The following PARD3 variants were observed in gnomAD, a reference collection of about 807,000 sequenced individuals.
The protein encoded by PARD3 is par-3 family cell polarity regulator.
PARD3 carries 75 observed loss-of-function variants against 155.4 expected under a neutral mutation model. The ratio of observed to expected loss-of-function variants is 0.48; its 90% confidence interval spans 0.40 to 0.58. The LOEUF is 0.58. PARD3 is among the 20% of genes least tolerant of loss of function. The pLI is 0.00. For missense variants in PARD3, 1,642 were observed against 1,721.7 expected, an observed-to-expected ratio of 0.95 and a Z score of 0.82; for synonymous variants, 576 against 610.5, an observed-to-expected ratio of 0.94 and a Z score of 0.83.
At chr10:34,699,736 A>G (rs1409709319) in intron 1 of PARD3, among the ~76,000 whole-genome samples, 2 of 152,194 alleles carry the variant, frequency 1.3e-5, no homozygotes, top group Admixed American at 6.5e-5. Context: ...AGGCCAAGGC[A>G]TAGTGACCCA....
chr10:34,697,990 T>C (rs531714954), intron 1 of PARD3, among the ~76,000 whole-genome samples: 2 of 152,168 alleles, frequency 1.3e-5, no homozygotes, highest in East Asian at 3.9e-4. Flanking sequence ...TCAAGGAAAA[T>C]TGGAAATAAT....
chr10:34,453,044 C>T (rs1037318018), intron 4 of PARD3, among the ~76,000 whole-genome samples: 3 of 152,316 alleles, frequency 2.0e-5, no homozygotes, highest in East Asian at 1.9e-4. Context: ...CAATGTTCTG[C>T]ACCACTTTCT....
intron 1 of PARD3, among the ~76,000 whole-genome samples, chr10:34,778,290 G>A (rs189287502): frequency 5.0e-4 from 76 of 152,208 alleles, no homozygotes; most frequent in Non-Finnish European, 8.2e-4. Flanking sequence ...GGAAGGTTGC[G>A]GTCTGCTGGA....
At chr10:34,155,571 G>A (rs2132999303) in intron 22 of PARD3, among the ~76,000 whole-genome samples, 1 of 152,048 alleles carries the variant, frequency 6.6e-6, no homozygotes, top group South Asian at 2.1e-4. Context: ...TCTGAAGAAG[G>A]GTGATGGGTC....
intron 2 of PARD3, among the ~76,000 whole-genome samples, chr10:34,588,574 T>C (rs1239599424): frequency 6.6e-6 from 1 of 152,210 alleles, no homozygotes; most frequent in African/African-American, 2.4e-5. Flanking sequence ...CTCTGCCTCC[T>C]TGCCTTTAAA....
At chr10:34,578,448 C>T (rs1309093091) in intron 2 of PARD3, among the ~76,000 whole-genome samples, 1 of 152,146 alleles carries the variant, frequency 6.6e-6, no homozygotes, top group Non-Finnish European at 1.5e-5. Context: ...AGAAAGTATT[C>T]CCATACCAAT....
At chr10:34,310,556 TGA>T (rs1957648256) in intron 20 of PARD3, among the ~76,000 whole-genome samples, 3 of 152,234 alleles carry the variant, frequency 2.0e-5, no homozygotes, top group South Asian at 4.1e-4. Flanking sequence ...AGAAAAGGTC[TGA>T]GAGAGGCCCA....
chr10:34,701,685 A>C (rs2094282112), intron 1 of PARD3, among the ~76,000 whole-genome samples: 1 of 152,096 alleles, frequency 6.6e-6, no homozygotes, highest in South Asian at 2.1e-4. Context: ...ACTCAAGCCC[A>C]GGAGCTCCAG....
intron 22 of PARD3, among the ~76,000 whole-genome samples, chr10:34,215,523 TAAG>T (rs1951963010): frequency 6.6e-6 from 1 of 152,196 alleles, no homozygotes; most frequent in Non-Finnish European, 1.5e-5. Flanking sequence ...TTTACAGAAA[TAAG>T]AAGTTACATT....
intron 14 of PARD3, among the ~76,000 whole-genome samples, chr10:34,350,106 A>G (rs777523844): frequency 1.9e-4 from 29 of 152,266 alleles, no homozygotes; most frequent in Non-Finnish European, 3.4e-4. Flanking sequence ...AATATTTAAC[A>G]GAAGATACAA....
At chr10:34,385,415 C>T (rs1589388646) in intron 7 of PARD3, among the ~76,000 whole-genome samples, 1 of 152,278 alleles carries the variant, frequency 6.6e-6, no homozygotes, top group East Asian at 1.9e-4. Context: ...GGATTACAGG[C>T]ATGAGCCACT....
intron 20 of PARD3, among the ~76,000 whole-genome samples, chr10:34,305,005 T>C (rs575977770): frequency 2.0e-5 from 3 of 152,298 alleles, no homozygotes; most frequent in Non-Finnish European, 2.9e-5. Flanking sequence ...TATAGCAAGT[T>C]AGAAAAATTT....
intron 22 of PARD3, among the ~76,000 whole-genome samples, chr10:34,267,216 A>G (rs76272397): frequency 6.6e-6 from 1 of 152,100 alleles, no homozygotes; most frequent in Non-Finnish European, 1.5e-5. Context: ...TGGGACATTC[A>G]TGGCCTTCAA....
At chr10:34,474,114 G>A (rs114363805) in intron 3 of PARD3, among the ~76,000 whole-genome samples, 2,454 of 152,204 alleles carry the variant, frequency 0.016, 61 homozygotes, top group African/African-American at 0.056. Flanking sequence ...GCAGTGAGCC[G>A]TGATTATACT....
intron 7 of PARD3, among the ~76,000 whole-genome samples, chr10:34,390,778 A>G (rs185090336): frequency 5.3e-5 from 8 of 152,348 alleles, no homozygotes; most frequent in Non-Finnish European, 1.2e-4. Flanking sequence ...ATGATAAAGA[A>G]TATCTTAGAT....
chr10:34,221,321 C>T (rs1416189024), intron 22 of PARD3, among the ~76,000 whole-genome samples: 3 of 151,548 alleles, frequency 2.0e-5, no homozygotes, highest in Non-Finnish European at 4.4e-5. Context: ...CCAGGGAAGC[C>T]TGGGAGTTCC....
chr10:34,350,709 T>G (rs1367142253), intron 14 of PARD3, among the ~76,000 whole-genome samples: 1 of 152,082 alleles, frequency 6.6e-6, no homozygotes, highest in Non-Finnish European at 1.5e-5. Flanking sequence ...CGATTTTCAT[T>G]TTGTTGTCTA....
At chr10:34,800,927 C>T (rs931271507) in intron 1 of PARD3, among the ~76,000 whole-genome samples, 9 of 152,172 alleles carry the variant, frequency 5.9e-5, no homozygotes, top group African/African-American at 2.2e-4. Flanking sequence ...AAGAAAGCAG[C>T]TTCACTTCTC....
At chr10:34,156,863 A>G (rs1331576171) in intron 22 of PARD3, among the ~76,000 whole-genome samples, 1 of 152,142 alleles carries the variant, frequency 6.6e-6, no homozygotes, top group African/African-American at 2.4e-5. Flanking sequence ...ATCTTACTAT[A>G]AATACCCAAG....
Sources: allele counts gnomAD v4.1 joint callset (sites outside exome capture counted in the v4.1 genomes callset), GRCh38; gene constraint gnomAD v4.1.1; transcripts MANE v1.5; gene names NCBI Gene and HGNC (gene_info 2026-07-23, HGNC 2026-07-21).